Variants in DMD observed in about 807,000 individuals in gnomAD.
The protein encoded by DMD is dystrophin, also known as mutant dystrophin.
In DMD, 63 loss-of-function variants were observed where a neutral mutation model predicts 330.1. The observed-to-expected ratio is 0.19, with a 90% CI of 0.16 to 0.24. The LOEUF is 0.24. DMD is among the 10% of genes least tolerant of loss of function. The pLI is 1.00. For synonymous variants in DMD, 1,223 were observed against 959.8 expected (o/e 1.27, Z -5.07); for missense variants, 3,344 against 2,684.1 (o/e 1.25, Z -5.43).
At chrX:32,825,108 G>GA (rs1569529427) in intron 4 of DMD, among the ~76,000 whole-genome samples, 3 of 111,801 alleles carry the variant, frequency 2.7e-5, no homozygotes, top group Non-Finnish European at 5.6e-5. Flanking sequence ...CTTAATTCTA[G>GA]TGATAGTGAC....
intron 18 of DMD, among the ~76,000 whole-genome samples, chrX:32,508,769 T>A (rs1443339225): frequency 8.9e-6 from 1 of 112,070 alleles, no homozygotes; most frequent in Non-Finnish European, 1.9e-5. Context: ...TCATTCTACT[T>A]AAAGGTAACT....
intron 51 of DMD, among the ~76,000 whole-genome samples, chrX:31,754,625 A>G (rs957421522): frequency 3.6e-5 from 4 of 111,880 alleles, no homozygotes; most frequent in African/African-American, 1.3e-4. Flanking sequence ...GATAAAAACT[A>G]AGATGATTTT....
chrX:32,042,137 A>G (rs865931464), intron 44 of DMD, among the ~76,000 whole-genome samples: 3 of 68,334 alleles, frequency 4.4e-5, no homozygotes, highest in Non-Finnish European at 8.8e-5. Context: ...ATACATATAT[A>G]CATACATATA....
At chrX:32,715,684 C>A (rs762142252) in intron 7 of DMD, among the ~76,000 whole-genome samples, 1 of 108,799 alleles carries the variant, frequency 9.2e-6, no homozygotes, top group Non-Finnish European at 1.9e-5. Flanking sequence ...CCTGTAAATC[C>A]CAGCTACTTG....
intron 43 of DMD, among the ~76,000 whole-genome samples, chrX:32,276,546 A>G (rs138171995): frequency 0.013 from 1,448 of 111,821 alleles, 30 homozygotes; most frequent in African/African-American, 0.044. Context: ...GCTTAGTCAC[A>G]GTAGGATAGG....
intron 45 of DMD, 99 bp downstream of exon 45, chrX:31,968,240 C>A (rs1300307742): frequency 3.1e-6 from 3 of 979,582 alleles, no homozygotes; most frequent in Non-Finnish European, 4.3e-6. Flanking sequence ...AATGTTAGTG[C>A]CTTTCACCCT....
intron 62 of DMD, among the ~76,000 whole-genome samples, chrX:31,317,595 T>C (rs767021196): frequency 1.9e-5 from 2 of 105,113 alleles, no homozygotes; most frequent in South Asian, 9.1e-4. Flanking sequence ...CACTGCATGC[T>C]CCGCTTCCCG....
chrX:32,792,815 G>T (rs934555732), intron 7 of DMD, among the ~76,000 whole-genome samples: 1 of 111,630 alleles, frequency 9.0e-6, no homozygotes, highest in African/African-American at 3.2e-5. Flanking sequence ...GATATATAAA[G>T]CAAGTATTAG....
At chrX:32,225,921 C>T (rs925109223) in intron 43 of DMD, among the ~76,000 whole-genome samples, 14 of 111,571 alleles carry the variant, frequency 1.3e-4, no homozygotes, top group African/African-American at 4.6e-4. Flanking sequence ...TATAGCAATG[C>T]AAGAATGGCC....
intron 41 of DMD, among the ~76,000 whole-genome samples, chrX:32,317,114 G>A (rs776002537): frequency 1.8e-5 from 2 of 111,011 alleles, no homozygotes; most frequent in South Asian, 7.5e-4. Flanking sequence ...TTTTGTTAAT[G>A]TTCTTTACCA....
At chrX:32,702,411 CAGAGG>C (rs2064217766) in intron 7 of DMD, among the ~76,000 whole-genome samples, 1 of 111,054 alleles carries the variant, frequency 9.0e-6, no homozygotes, top group African/African-American at 3.3e-5. Flanking sequence ...AATAAACATG[CAGAGG>C]TAGGGACACA....
intron 44 of DMD, among the ~76,000 whole-genome samples, chrX:32,098,081 C>T (rs1052738707): frequency 5.4e-5 from 6 of 110,415 alleles, no homozygotes; most frequent in African/African-American, 2.0e-4. Flanking sequence ...GGAAAAAAAT[C>T]AAAAAGGGGT....
At chrX:33,152,160 CTATTATTATTAT>C (rs56954782) in intron 1 of DMD, among the ~76,000 whole-genome samples, 6 of 101,074 alleles carry the variant, frequency 5.9e-5, no homozygotes, top group African/African-American at 1.4e-4. Flanking sequence ...ATTAGCTTTA[CTATTATTATTAT>C]TATTATTATT....
At chrX:32,937,425 G>A (rs2090095839) in intron 2 of DMD, among the ~76,000 whole-genome samples, 1 of 107,741 alleles carries the variant, frequency 9.3e-6, no homozygotes, top group South Asian at 4.2e-4. Context: ...AAAGCACAGT[G>A]GTAAAGAATG....
chrX:33,013,067 T>C (rs2093730601), intron 2 of DMD, among the ~76,000 whole-genome samples: 1 of 110,676 alleles, frequency 9.0e-6, no homozygotes, highest in African/African-American at 3.3e-5. Flanking sequence ...ATAGGACTTA[T>C]CAATTTGATG....
At chrX:31,543,019 G>C (rs2073923493) in intron 55 of DMD, among the ~76,000 whole-genome samples, 1 of 112,227 alleles carries the variant, frequency 8.9e-6, no homozygotes, top group African/African-American at 3.2e-5. Context: ...TGAGTCAAAG[G>C]ACATGGGACG....
Position 31,147,643 on chromosome X carries a change from C to T in DMD, c.10554-125G>A, listed in dbSNP as rs942977022. 7 of 494,668 alleles carry T rather than the reference C, an allele frequency of 1.4e-5. 1 individual carries two copies. The South Asian group carries it at 2.2e-4, about 16-fold the overall frequency. The allele number at this position is 494,668 out of a possible 1,213,427, so 40.8% of individuals were successfully genotyped here. On this transcript the variant is annotated intron_variant, in intron 74 of 78. Transcript: ENST00000357033. ...GTAGATAGATGCATCTGACTGCCAC[C>T]GAAGAACAGCAAGCAAAAGAGGCAC... is the stretch of plus-strand genomic sequence containing the variant.
chrX:33,120,880 A>C (rs1234325219), intron 1 of DMD, among the ~76,000 whole-genome samples: 1 of 8,192 alleles, frequency 1.2e-4, no homozygotes, highest in Non-Finnish European at 3.7e-4. Flanking sequence ...GACTCTCTCA[A>C]AAAAAAAAAA....
Position 32,455,203 on chromosome X carries a change from T to G in DMD, c.3433-371A>C, listed in dbSNP as rs1226231171. 2.7e-5 allele frequency among the ~76,000 whole-genome samples: 3 copies of G among 111,484 alleles called. No individual in the cohort carries two copies. The East Asian group carries it at 8.5e-4, about 31-fold the overall frequency. On this transcript the variant is annotated intron_variant, in intron 25 of 78. Coordinates refer to ENST00000357033, the MANE Select transcript of DMD (RefSeq NM_004006.3). ...AGAAATAGTTATTCTTTGTGTTCTT[T>G]CATAATGTTTTACTATTTTAAATAT... is the stretch of plus-strand genomic sequence containing the variant.
Sources: gnomAD v4.1 joint callset for allele counts (sites outside exome capture counted in the v4.1 genomes callset) on GRCh38, gnomAD v4.1.1 for gene constraint, MANE v1.5 for transcripts, NCBI Gene and HGNC (gene_info 2026-07-23, HGNC 2026-07-21) for gene names.